Variants in AKNAD1 observed in about 807,000 individuals in gnomAD.
AKNAD1 encodes the protein protein AKNAD1.
Under a neutral mutation model 90.8 loss-of-function variants are expected in AKNAD1, and 67 were observed. The ratio of observed to expected loss-of-function variants is 0.74; its 90% CI spans 0.61 to 0.90. The LOEUF is 0.90. Among genes scored for constraint, AKNAD1 ranks in the 40% least tolerant of loss-of-function variants. The pLI is 0.00. For synonymous variants in AKNAD1, 327 were observed against 341.4 expected, an observed-to-expected ratio of 0.96 and a Z score of 0.46; for missense variants, 957 against 975.4, an observed-to-expected ratio of 0.98 and a Z score of 0.25.
intron 11 of AKNAD1, among the ~76,000 whole-genome samples, chr1:108,825,339 C>T (rs988102589): frequency 6.6e-6 from 1 of 151,588 alleles, no homozygotes; most frequent in African/African-American, 2.4e-5. Flanking sequence ...ATAGCTAATA[C>T]ACTCACTCAC....
At chr1:108,850,920 G>GA (rs1664835747) in intron 2 of AKNAD1, among the ~76,000 whole-genome samples, 1 of 109,274 alleles carries the variant, frequency 9.2e-6, no homozygotes, top group Middle Eastern at 5.0e-3. Flanking sequence ...AGGGAAAGGG[G>GA]GAATAGCATA....
intron 14 of AKNAD1, chr1:108,817,397 T>C (rs1415337593): frequency 4.9e-6 from 2 of 409,996 alleles, no homozygotes; most frequent in South Asian, 6.3e-5. Flanking sequence ...TCTCCCGGAA[T>C]TGATCTCCTT....
At chr1:108,821,226 A>G (rs1043967620) in intron 13 of AKNAD1, among the ~76,000 whole-genome samples, 4 of 152,198 alleles carry the variant, frequency 2.6e-5, no homozygotes, top group African/African-American at 9.6e-5. Context: ...CGAGGTGGGC[A>G]CATCACCTGA....
At position 108,852,735 on chromosome 1, in the gene AKNAD1, G is replaced by C. The variant is rs534478887; in HGVS notation, c.-71C>G. On this transcript the variant is annotated 5_prime_UTR_variant, in exon 2 of 16. Coordinates refer to ENST00000370001, the MANE Select transcript of AKNAD1 (RefSeq NM_152763.5). ...TGCTGTCAGTTGTAACAATAGCTCTGGTTCTCACTGACTGTCTTCACTGTG... is the reference window on the plus strand; with the variant it reads ...TGCTGTCAGTTGTAACAATAGCTCTCGTTCTCACTGACTGTCTTCACTGTG... 4 of 1,413,692 alleles carry C rather than the reference G, an allele frequency of 2.8e-6. No homozygotes were observed. Among genetic ancestry groups the C allele is most frequent in the Non-Finnish European group, 3.8e-6 (4 of 1,052,852 alleles). 87.6% of individuals were successfully genotyped at this position (1,413,692 alleles called of 1,614,324 possible).
At chr1:108,849,421 A>T (rs1237517447) in intron 3 of AKNAD1, 116 bp downstream of exon 3, 1 of 703,898 alleles carries the variant, frequency 1.4e-6, no homozygotes, top group Non-Finnish European at 2.5e-6. Context: ...CAAGGCTGCA[A>T]TGAACCAAGA....
Position 108,845,046 on chromosome 1 carries a change from T to C in AKNAD1, c.1246-1779A>G, listed in dbSNP as rs578031650. ...GTTGGCCAGGCTGGTCTCAAACTCCTGACCTCAGGTGGTCCACCCACCTTG... is the reference window on the plus strand; with the variant it reads ...GTTGGCCAGGCTGGTCTCAAACTCCCGACCTCAGGTGGTCCACCCACCTTG... On this transcript the variant is annotated intron_variant, in intron 5 of 15. Transcript: ENST00000370001. Among the ~76,000 whole-genome samples, 4 of 152,304 alleles carry C rather than the reference T, an allele frequency of 2.6e-5. No homozygotes were observed. The East Asian group carries it at 5.8e-4, about 22-fold the overall frequency.
At chr1:108,829,969 T>C (rs866531889) in intron 10 of AKNAD1, among the ~76,000 whole-genome samples, 3 of 152,274 alleles carry the variant, frequency 2.0e-5, no homozygotes, top group Middle Eastern at 3.4e-3. Context: ...CCTGAGGATT[T>C]TACATGATTT....
At position 108,852,250 on chromosome 1, in the gene AKNAD1, C is replaced by G. The variant is rs201108302; in HGVS notation, c.415G>C (p.Ala139Pro). ...DCETLPEISN[A>P]DSFEEEAIIK... ...ATAGCTTCCTCTTCAAAACTGTCGG[C>G]ATTTGAGATCTCTGGGAGGGTTTCA... is the stretch of plus-strand genomic sequence containing the variant. Residue 139 changes from alanine (A) to proline (P), a missense_variant, in exon 2 of 16, where the codon GCC becomes CCC. By Grantham distance (27) the Ala-to-Pro change is conservative. Transcript: ENST00000370001. 157 of 1,613,710 alleles carry G rather than the reference C, an allele frequency of 9.7e-5. 1 individual carries two copies. The highest frequency in any genetic ancestry group is 9.3e-5 in the Non-Finnish European group (110 of 1,179,936).
At position 108,827,229 on chromosome 1, in the gene AKNAD1, C is replaced by G; in HGVS notation, c.1912G>C (p.Ala638Pro). Reference sequence around the variant, plus strand: ...CTGGGAGTTGAATCTGAGTGTGGTGCCTTTTCATGAAGGACAATTGAAAAT... The same window carrying G: ...CTGGGAGTTGAATCTGAGTGTGGTGGCTTTTCATGAAGGACAATTGAAAAT... ...GRFSIVLHEK[A>P]PHSDSTPNSD... Residue 638 changes from alanine to proline, a missense_variant, in exon 11 of 16, where the codon GCA becomes CCA. Transcript: ENST00000370001. 6.2e-7 allele frequency: 1 copy of G among 1,611,338 alleles called. No individual in the cohort carries two copies. Among genetic ancestry groups the G allele is most frequent in the South Asian group, 1.1e-5 (1 of 90,768 alleles).
Position 108,822,144 on chromosome 1 carries a change from CCA to C in AKNAD1, c.2167+1224_2167+1225del, listed in dbSNP as rs144206771. Among the ~76,000 whole-genome samples the C allele has an allele frequency of 9.3e-3, 1,414 of 152,252 alleles. 22 individuals are homozygous for C. The highest frequency in any genetic ancestry group is 0.032 in the African/African-American group (1,325 of 41,526). On this transcript the variant is annotated intron_variant, in intron 13 of 15. Coordinates refer to ENST00000370001, the MANE Select transcript of AKNAD1 (RefSeq NM_152763.5). The stretch of plus-strand genomic sequence containing the variant: ...ACTGGAAACTCAGAGTTAGAAAGCA[CCA>C]CAGTGTCACCTGGTCCGGTTCTAGT...
rs889504364 is a variant in AKNAD1 at position 108,853,136 on chromosome 1, C to CT, written c.-103-370dup. On this transcript the variant is annotated intron_variant, in intron 1 of 15. Coordinates refer to ENST00000370001, the MANE Select transcript of AKNAD1 (RefSeq NM_152763.5). ...AAAGGATTGATTTTTTTTCTTTTTT[C>CT]TTTTTTTTTTTTTGAGACGGAGTCT... Among the ~76,000 whole-genome samples the CT allele has an allele frequency of 2.5e-3, 338 of 133,506 alleles. 4 individuals are homozygous for CT. Among genetic ancestry groups the CT allele is most frequent in the Admixed American group, 5.6e-3 (75 of 13,406 alleles). 87.6% of individuals were successfully genotyped at this position (133,506 alleles called of 152,430 possible).
chr1:108,816,527 A>C (rs1017810192), intron 15 of AKNAD1, among the ~76,000 whole-genome samples: 6 of 152,134 alleles, frequency 3.9e-5, no homozygotes, highest in African/African-American at 1.4e-4. Context: ...GTGACTGATG[A>C]GCATGAATCA....
chr1:108,852,915 A>G (rs977164524), intron 1 of AKNAD1, 148 bp from the exon 2 acceptor site: 4 of 376,416 alleles, frequency 1.1e-5, no homozygotes, highest in Middle Eastern at 6.9e-4. Context: ...CCCAACCTCA[A>G]TCCACACTAT....
At position 108,816,587 on chromosome 1, in the gene AKNAD1, A is replaced by G. The variant is rs141505454; in HGVS notation, c.2380-285T>C. On this transcript the variant is annotated intron_variant, in intron 15 of 15. Transcript: ENST00000370001. ...GGCTGTTTCCCTGCCGCAGAGAAAGAGAAAAAAAGAACAGCTCTTAGAGGC... is the reference window on the plus strand; with the variant it reads ...GGCTGTTTCCCTGCCGCAGAGAAAGGGAAAAAAAGAACAGCTCTTAGAGGC... Among the ~76,000 whole-genome samples, 680 of 152,302 alleles carry G rather than the reference A, an allele frequency of 4.5e-3. 16 individuals are homozygous for G. The highest frequency in any genetic ancestry group is 0.038 in the Admixed American group (581 of 15,292).
intron 9 of AKNAD1, 188 bp from the exon 10 acceptor site, chr1:108,830,838 C>T (rs1664175700): frequency 8.1e-6 from 5 of 618,878 alleles, no homozygotes; most frequent in Non-Finnish European, 1.4e-5. Flanking sequence ...GAAGAAAGAG[C>T]CCATCCTTAG....
intron 13 of AKNAD1, among the ~76,000 whole-genome samples, chr1:108,822,510 C>T (rs1437757026): frequency 6.6e-6 from 1 of 152,096 alleles, no homozygotes; most frequent in Non-Finnish European, 1.5e-5. Context: ...AGAATACATG[C>T]AATTGGAGGA....
Position 108,848,786 on chromosome 1 carries a change from T to C in AKNAD1, c.1211A>G (p.Gln404Arg), listed in dbSNP as rs1664774133. The C allele has an allele frequency of 1.2e-6, 2 of 1,610,232 alleles. No individual in the cohort carries two copies. The highest frequency in any genetic ancestry group is 2.2e-5 in the South Asian group (2 of 89,458). ...KVQEFSKRIK[Q>R]DSPYHLQDKK... ...GTCTTGCAAATGGTAAGGAGAGTCC[T>C]GTTTTATTCTTTTGGAAAATTCTTG... The change falls in exon 5 of 16, where the codon CAG becomes CGG. Residue 404 changes from glutamine to arginine, a missense_variant. Gln to Arg is a conservative substitution (Grantham distance 43, BLOSUM62 1). Transcript: ENST00000370001.
At chr1:108,816,658 G>A (rs918356943) in intron 15 of AKNAD1, among the ~76,000 whole-genome samples, 1 of 152,138 alleles carries the variant, frequency 6.6e-6, no homozygotes, top group Non-Finnish European at 1.5e-5. Context: ...GGGTATTCAG[G>A]GATACAGCGC....
At chr1:108,843,931 T>C (rs1177046497) in intron 5 of AKNAD1, among the ~76,000 whole-genome samples, 3 of 152,202 alleles carry the variant, frequency 2.0e-5, no homozygotes, top group Non-Finnish European at 4.4e-5. Flanking sequence ...CAGTTCCACA[T>C]CCCCAGTCAC....
Sources: allele counts gnomAD v4.1 joint callset (sites outside exome capture counted in the v4.1 genomes callset), GRCh38; gene constraint gnomAD v4.1.1; transcripts MANE v1.5; gene names NCBI Gene and HGNC (gene_info 2026-07-23, HGNC 2026-07-21).